The following MINPP1 variants were observed in gnomAD, a reference collection of about 807,000 sequenced individuals.
The protein encoded by MINPP1 is multiple inositol polyphosphate phosphatase 1.
A neutral mutation model predicts 46.1 loss-of-function variants in MINPP1; 28 were observed. The ratio of observed to expected loss-of-function variants is 0.61; its 90% CI spans 0.45 to 0.83. The LOEUF is 0.83. Among genes scored for constraint, MINPP1 ranks in the 40% least tolerant of loss-of-function variants. The probability of loss-of-function intolerance (pLI) is 0.00; values close to 1 mark genes in which losing one functional copy is unlikely to be tolerated. For missense variants in MINPP1, 603 were observed against 610.0 expected (o/e 0.99, Z 0.12); for synonymous variants, 268 against 249.1 (o/e 1.08, Z -0.72).
At chr10:87,546,558 G>A (rs1192690390) in intron 4 of MINPP1, 1 of 151,978 alleles carries the variant, frequency 6.6e-6, no homozygotes, top group Non-Finnish European at 1.5e-5. Flanking sequence ...TTTTCTTATT[G>A]CACGTTCATT....
intron 2 of MINPP1, among the ~76,000 whole-genome samples, 171 bp downstream of exon 2, chr10:87,508,704 T>A (rs565257221): frequency 6.6e-6 from 1 of 152,288 alleles, no homozygotes; most frequent in South Asian, 2.1e-4. Flanking sequence ...CTATTTACCA[T>A]TTTTAGATTC....
intron 3 of MINPP1, among the ~76,000 whole-genome samples, chr10:87,515,107 C>G (rs954341678): frequency 1.3e-5 from 2 of 151,950 alleles, no homozygotes; most frequent in Non-Finnish European, 2.9e-5. Context: ...AACTTCTTGG[C>G]CGGGCGTGGT....
At chr10:87,514,136 A>G (rs1851376453) in intron 3 of MINPP1, among the ~76,000 whole-genome samples, 1 of 152,108 alleles carries the variant, frequency 6.6e-6, no homozygotes, top group African/African-American at 2.4e-5. Flanking sequence ...TTATCAGGTA[A>G]GGTAACATAT....
In MINPP1 at chr10:87,508,506, C is replaced by A. The variant is rs147897043; in HGVS notation, c.808C>A (p.Gln270Lys). 775 of 1,613,460 alleles carry A rather than the reference C, an allele frequency of 4.8e-4. No homozygotes were observed. The highest frequency in any genetic ancestry group is 6.3e-4 in the Non-Finnish European group (745 of 1,179,660). Residue 270 changes from glutamine to lysine, a missense_variant, in exon 2 of 5, where the codon CAA becomes AAA. By Grantham distance (53) the Gln-to-Lys change is moderately conservative (BLOSUM62 1). Coordinates refer to ENST00000371996, the MANE Select transcript of MINPP1 (RefSeq NM_004897.5). ...NILKKVAATL[Q>K]VPVNDLNADL... ...TTTAAAAAAAGTTGCAGCTACTTTG[C>A]AAGTGCCAGTAAATGATTTAAATGC...
At chr10:87,519,111 C>G in intron 3 of MINPP1, among the ~76,000 whole-genome samples, 1 of 138,576 alleles carries the variant, frequency 7.2e-6, no homozygotes, top group East Asian at 2.0e-4. Context: ...CCTAACACAC[C>G]CAGCATTATA....
At chr10:87,519,843 T>G (rs1321468356) in intron 3 of MINPP1, among the ~76,000 whole-genome samples, 1 of 152,190 alleles carries the variant, frequency 6.6e-6, no homozygotes, top group African/African-American at 2.4e-5. Context: ...GTTTTAGTTC[T>G]AGATAGAGAT....
intron 2 of MINPP1, among the ~76,000 whole-genome samples, chr10:87,510,609 G>A (rs1851321057): frequency 6.6e-6 from 1 of 152,146 alleles, no homozygotes; most frequent in Non-Finnish European, 1.5e-5. Flanking sequence ...AGATAAAATA[G>A]GTGAGGCCGA....
Position 87,551,660 on chromosome 10 carries a change from A to G in MINPP1, c.1068-422A>G, listed in dbSNP as rs377676993. Among the ~76,000 whole-genome samples, 12 of 152,134 alleles carry G rather than the reference A, an allele frequency of 7.9e-5. 1 individual carries two copies. In the East Asian group the frequency reaches 1.2e-3, roughly 15 times the overall value. On this transcript the variant is annotated intron_variant, in intron 4 of 4. Transcript: ENST00000371996. ...TATTGCTTGTTCTTATTCCCTAGAT[A>G]TAAATAAAATAATAACACTTTATTC...
At chr10:87,531,977 T>C (rs1277123063) in intron 4 of MINPP1, among the ~76,000 whole-genome samples, 5 of 152,220 alleles carry the variant, frequency 3.3e-5, no homozygotes, top group Non-Finnish European at 5.9e-5. Context: ...TCAAGTGAGA[T>C]AATACTTATT....
chr10:87,523,634 A>C (rs1054278521), intron 4 of MINPP1, among the ~76,000 whole-genome samples: 2 of 151,826 alleles, frequency 1.3e-5, no homozygotes, highest in Non-Finnish European at 2.9e-5. Flanking sequence ...TTTATTTCTT[A>C]AATAATTTAT....
intron 4 of MINPP1, among the ~76,000 whole-genome samples, chr10:87,529,203 A>G (rs1851622021): frequency 6.6e-6 from 1 of 152,152 alleles, no homozygotes; most frequent in African/African-American, 2.4e-5. Flanking sequence ...CATTTAGCCC[A>G]TTTACATTTA....
intron 4 of MINPP1, among the ~76,000 whole-genome samples, chr10:87,525,014 C>T (rs115034943): frequency 9.5e-4 from 144 of 151,894 alleles, no homozygotes; most frequent in Middle Eastern, 3.4e-3. Flanking sequence ...AAAATGAGCA[C>T]GTGCTGTTGG....
intron 4 of MINPP1, among the ~76,000 whole-genome samples, chr10:87,548,247 T>C (rs1019880317): frequency 6.6e-6 from 1 of 152,206 alleles, no homozygotes; most frequent in Non-Finnish European, 1.5e-5. Flanking sequence ...TGGGTTTCTC[T>C]AACAGACACA....
In MINPP1 at chr10:87,513,280, G is replaced by A. The variant is rs1851362750; in HGVS notation, c.933+59G>A. 1.2e-5 allele frequency: 15 copies of A among 1,253,254 alleles called. 1 individual carries two copies. The South Asian group carries it at 1.6e-4, about 13-fold the overall frequency. 77.6% of individuals were successfully genotyped at this position (1,253,254 alleles called of 1,614,324 possible). ...TAAAAAAATTTTTTTTGGCTTGCTT[G>A]TTTGCATTTGGTTACTTGAAGCAGC... On this transcript the variant is annotated intron_variant, in intron 3 of 4. Transcript: ENST00000371996.
rs1329887878 is a variant in MINPP1 at position 87,504,999 on chromosome 10, G to C, written c.84G>C (p.Ala28=). 1.9e-6 allele frequency: 3 copies of C among 1,612,746 alleles called. No homozygotes were observed. The highest frequency in any genetic ancestry group is 2.2e-5 in the South Asian group (2 of 91,038). Residue 28 remains alanine (A), a synonymous_variant, in exon 1 of 5, where the codon GCG becomes GCC. Transcript: ENST00000371996. ...CTGCGGCGCTGCTCTCGTCGCTTGC[G>C]CGCTGCTCTCTTCTAGAGCCGAGGG... ...ALAAALLSSL[A]RCSLLEPRDP...
intron 4 of MINPP1, among the ~76,000 whole-genome samples, chr10:87,524,252 T>C (rs1851543761): frequency 6.6e-6 from 1 of 152,246 alleles, no homozygotes; most frequent in African/African-American, 2.4e-5. Context: ...TTTTGTGTTA[T>C]GGAGATAGCT....
At chr10:87,524,037 G>C (rs1406394214) in intron 4 of MINPP1, among the ~76,000 whole-genome samples, 1 of 152,210 alleles carries the variant, frequency 6.6e-6, no homozygotes, top group Non-Finnish European at 1.5e-5. Flanking sequence ...TCAACTTACA[G>C]TCAGGAGCTG....
At position 87,552,907 on chromosome 10, in the gene MINPP1, G is replaced by T; in HGVS notation, c.*429G>T. The T allele has an allele frequency of 6.0e-6, 1 of 167,738 alleles. No homozygotes were observed. The highest frequency in any genetic ancestry group is 1.3e-5 in the Non-Finnish European group (1 of 77,620). 10.4% of individuals were successfully genotyped at this position (167,738 alleles called of 1,614,324 possible). The stretch of plus-strand genomic sequence containing the variant: ...AGTTCTCTCTTCTTTTCCTCAGGTA[G>T]GACAGCTCTAGCATTTTCTTAATCA... On this transcript the variant is annotated 3_prime_UTR_variant, in exon 5 of 5. Coordinates refer to ENST00000371996, the MANE Select transcript of MINPP1 (RefSeq NM_004897.5).
In MINPP1 at chr10:87,521,027, T is replaced by C. The variant is rs185133907; in HGVS notation, c.934-9T>C. 3.2e-6 allele frequency: 3 copies of C among 939,568 alleles called. No individual in the cohort carries two copies. The highest frequency in any genetic ancestry group is 3.4e-6 in the Non-Finnish European group (2 of 595,572). The allele number at this position is 939,568 out of a possible 1,614,324, so 58.2% of individuals were successfully genotyped here. ...AAATATATTAGAAATTATTTTTGAA[T>C]TTTTTTAGGTATTAGAATATTTAAA... On this transcript the variant is annotated splice_polypyrimidine_tract_variant and intron_variant, in intron 3 of 4. Transcript: ENST00000371996.
Sources: gnomAD v4.1 joint callset for allele counts (sites outside exome capture counted in the v4.1 genomes callset) on GRCh38, gnomAD v4.1.1 for gene constraint, MANE v1.5 for transcripts, NCBI Gene and HGNC (gene_info 2026-07-23, HGNC 2026-07-21) for gene names.